The following FMO5 variants were observed in gnomAD, a reference collection of about 807,000 sequenced individuals.
FMO5 encodes flavin containing dimethylaniline monoxygenase 5.
In FMO5, 51 loss-of-function variants were observed where a neutral mutation model predicts 43.6. That is an observed-to-expected ratio of 1.17 (90% confidence interval 0.93 to 1.48). The LOEUF (loss-of-function observed/expected upper bound fraction) is 1.48. Ranked by LOEUF, FMO5 falls within the 40% of genes most tolerant of loss-of-function variation. FMO5 has a pLI of 0.00. For missense variants in FMO5, 644 were observed against 643.0 expected (o/e 1.00, Z -0.02); for synonymous variants, 187 against 216.5 (o/e 0.86, Z 1.20).
downstream of FMO5, chr1:147,184,498 C>T: frequency 6.5e-7 from 1 of 1,528,940 alleles, no homozygotes; most frequent in Non-Finnish European, 8.8e-7. This position sits in a 1 kb window ranked among gnomAD's most constrained non-coding sequence, Gnocchi z 4.4. Context: ...GATGTTATGT[C>T]TCCTTAGGCC....
chr1:147,208,698 C>T (rs1553923005), intron 6 of FMO5, 154 bp downstream of exon 6: 2 of 595,394 alleles, frequency 3.4e-6, no homozygotes, highest in Non-Finnish European at 3.0e-6. Flanking sequence ...CTCCGCCTCC[C>T]AGAGTGCTGG....
At chr1:147,186,257 A>C, downstream of FMO5, 4 of 923,322 alleles carry the variant, frequency 4.3e-6, no homozygotes, top group Non-Finnish European at 5.2e-6. Flanking sequence ...GTGAGCCTAG[A>C]AAGTTGAAAG....
At chr1:147,221,483 G>C (rs587743821) in intron 2 of FMO5, among the ~76,000 whole-genome samples, 2 of 152,204 alleles carry the variant, frequency 1.3e-5, no homozygotes, top group African/African-American at 4.8e-5. Flanking sequence ...TTTTAATTAA[G>C]GTAAATTAAT....
At chr1:147,204,601 A>G in intron 6 of FMO5, 1 of 1,593,584 alleles carries the variant, frequency 6.3e-7, no homozygotes, top group Non-Finnish European at 8.6e-7. Flanking sequence ...TAATTCCAGG[A>G]GAGCTCCGGC....
chr1:147,213,418 C>A lies in FMO5; in HGVS notation c.377G>T (p.Trp126Leu), dbSNP rs1661411318. The A allele has an allele frequency of 6.2e-7, 1 of 1,613,258 alleles. No homozygotes were observed. The highest frequency in any genetic ancestry group is 1.7e-5 in the Admixed American group (1 of 59,922). ...CCCTTCAGATTCAGTGACCACTTCC[C>A]ATTGGCCTGAAGTGGCAAAATCAGG... ...KQPDFATSGQ[W>L]EVVTESEGKK... The change falls in exon 4 of 9, where the codon TGG (tryptophan) becomes TTG (leucine). Residue 126 changes from tryptophan (W) to leucine (L), a missense_variant. By Grantham distance (61) the Trp-to-Leu change is moderately conservative. Transcript: ENST00000254090.
chr1:147,197,960 G>C (rs1187312054), intron 7 of FMO5, among the ~76,000 whole-genome samples: 1 of 152,218 alleles, frequency 6.6e-6, no homozygotes, highest in Non-Finnish European at 1.5e-5. Flanking sequence ...AGGGTTCCAA[G>C]ACAAGGTGGG....
At chr1:147,206,731 G>C (rs587665383) in intron 6 of FMO5, among the ~76,000 whole-genome samples, 5 of 152,190 alleles carry the variant, frequency 3.3e-5, no homozygotes, top group African/African-American at 1.2e-4. Context: ...CTTGGACACA[G>C]GAAGGGGAAC....
At chr1:147,213,511 T>G (rs782349296) in intron 3 of FMO5, 41 bp from the exon 4 acceptor site, 1 of 1,533,052 alleles carries the variant, frequency 6.5e-7, no homozygotes, top group South Asian at 1.3e-5. Context: ...ATCCCTGACA[T>G]GACTCTCCTT....
intron 8 of FMO5, among the ~76,000 whole-genome samples, chr1:147,189,963 T>A (rs1367809639): frequency 6.6e-6 from 1 of 152,178 alleles, no homozygotes; most frequent in Admixed American, 6.5e-5. Context: ...ACATATGATT[T>A]TAGACACCTA....
chr1:147,202,229 A>T (rs1659099911), intron 6 of FMO5, among the ~76,000 whole-genome samples: 1 of 151,802 alleles, frequency 6.6e-6, no homozygotes, highest in Admixed American at 6.6e-5. Flanking sequence ...GTTGGTGCAA[A>T]AGTAATTGCT....
intron 2 of FMO5, among the ~76,000 whole-genome samples, chr1:147,217,368 G>T (rs587645409): frequency 1.0e-3 from 153 of 152,078 alleles, no homozygotes; most frequent in Non-Finnish European, 2.0e-3. Flanking sequence ...CACAAATGAG[G>T]AGTTTTCAAA....
intron 7 of FMO5, among the ~76,000 whole-genome samples, chr1:147,200,162 A>G (rs1332959947): frequency 1.3e-5 from 2 of 152,168 alleles, no homozygotes; most frequent in African/African-American, 4.8e-5. Flanking sequence ...CTGATAGGAA[A>G]AAGGTTTTGG....
At chr1:147,205,063 A>G (rs1423028303) in intron 6 of FMO5, 1 of 630,804 alleles carries the variant, frequency 1.6e-6, no homozygotes, top group Admixed American at 2.8e-5. Flanking sequence ...CAGCCATACC[A>G]GACTACATGC....
intron 7 of FMO5, among the ~76,000 whole-genome samples, chr1:147,194,914 G>A (rs1286398519): frequency 6.6e-6 from 1 of 151,908 alleles, no homozygotes; most frequent in Non-Finnish European, 1.5e-5. Flanking sequence ...TGGGTAACCC[G>A]ACCTTTCTCT....
At chr1:147,205,913 A>G (rs587668875) in intron 6 of FMO5, among the ~76,000 whole-genome samples, 2,523 of 152,258 alleles carry the variant, frequency 0.017, 23 homozygotes, top group Non-Finnish European at 0.027. Flanking sequence ...AAAATTGACA[A>G]ATGGGATCTA....
rs587749368 is a variant in FMO5 at position 147,222,644 on chromosome 1, G to A, written c.135+2251C>T. ...AAATATAACGGTGAACCACACAGGT[G>A]TGGTCTGTTGGAACAGAAGTCAGAG... is the stretch of plus-strand genomic sequence containing the variant. On this transcript the variant is annotated intron_variant, in intron 2 of 8. Transcript: ENST00000254090. Among the ~76,000 whole-genome samples, 184 of 152,328 alleles carry A rather than the reference G, an allele frequency of 1.2e-3. 1 individual carries two copies. Among genetic ancestry groups the A allele is most frequent in the Admixed American group, 3.1e-3 (48 of 15,306 alleles).
At chr1:147,196,399 A>G (rs1451644323) in intron 7 of FMO5, among the ~76,000 whole-genome samples, 1 of 152,112 alleles carries the variant, frequency 6.6e-6, no homozygotes, top group Non-Finnish European at 1.5e-5. Flanking sequence ...AATTACTTCT[A>G]CACAACCACA....
At chr1:147,192,936 G>T (rs186994851) in intron 7 of FMO5, among the ~76,000 whole-genome samples, 2,644 of 152,158 alleles carry the variant, frequency 0.017, 88 homozygotes, top group African/African-American at 0.061. Context: ...GAGGATTTTT[G>T]CATCAATGTT....
chr1:147,196,604 A>G (rs137858144), intron 7 of FMO5, among the ~76,000 whole-genome samples: 1 of 152,094 alleles, frequency 6.6e-6, no homozygotes, highest in African/African-American at 2.4e-5. Context: ...AAAAAAATTA[A>G]AAAATTTTAA....
Sources: gnomAD v4.1 joint callset for allele counts (sites outside exome capture counted in the v4.1 genomes callset) on GRCh38, gnomAD v4.1.1 for gene constraint, Gnocchi (gnomAD v3.1) non-coding constraint, MANE v1.5 for transcripts, NCBI Gene and HGNC (gene_info 2026-07-23, HGNC 2026-07-21) for gene names.